The following TKT variants were observed in gnomAD, a reference collection of about 807,000 sequenced individuals.
TKT encodes the protein transketolase.
Under a neutral mutation model 63.9 loss-of-function variants are expected in TKT, and 47 were observed. The ratio of observed to expected loss-of-function variants is 0.74; its 90% CI spans 0.58 to 0.94. The LOEUF is 0.94. TKT is among the 40% of genes least tolerant of loss of function. The pLI, the probability that TKT is intolerant of heterozygous loss-of-function variation, is 0.00. For missense variants in TKT, 721 were observed against 846.2 expected (o/e 0.85, Z 1.84); for synonymous variants, 338 against 334.1 (o/e 1.01, Z -0.13).
intron 1 of TKT, among the ~76,000 whole-genome samples, chr3:53,254,761 T>C (rs536405105): frequency 1.1e-4 from 17 of 152,188 alleles, no homozygotes; most frequent in Non-Finnish European, 2.4e-4. Flanking sequence ...GGAAGCAGGC[T>C]CTGAAGTAAT....
rs1553676484 is a variant in TKT, at chr3:53,229,446, G to GGTGGGACA, written c.1108-18_1108-11dup. 1 of 1,596,690 alleles carries GGTGGGACA rather than the reference G, an allele frequency of 6.3e-7. No homozygotes were observed. Among genetic ancestry groups the GGTGGGACA allele is most frequent in the Non-Finnish European group, 8.5e-7 (1 of 1,172,158 alleles). ...CCACCGCGATGCTCACCTGGGGGCA[G>GGTGGGACA]GTGGGACAGGGTCAGCCCAAAGGGG... On this transcript the variant is annotated splice_polypyrimidine_tract_variant and intron_variant, in intron 8 of 13. Transcript: ENST00000462138.
chr3:53,242,905 A>C (rs956350323), intron 1 of TKT, among the ~76,000 whole-genome samples: 8 of 152,184 alleles, frequency 5.3e-5, no homozygotes, highest in African/African-American at 1.7e-4. Context: ...TTCCAATTGC[A>C]TCACTGGGCT....
chr3:53,254,984 G>A (rs1705919337), intron 1 of TKT, among the ~76,000 whole-genome samples: 1 of 152,236 alleles, frequency 6.6e-6, no homozygotes, highest in East Asian at 1.9e-4. Context: ...GCCCCAGGAC[G>A]TCACTCCCGG....
At chr3:53,245,987 G>A (rs1211760222) in intron 1 of TKT, among the ~76,000 whole-genome samples, 2 of 152,148 alleles carry the variant, frequency 1.3e-5, no homozygotes, top group African/African-American at 4.8e-5. Flanking sequence ...ACACAAACAG[G>A]CCGGGCACAG....
At chr3:53,239,013 G>A (rs1705156236) in intron 4 of TKT, among the ~76,000 whole-genome samples, 1 of 152,200 alleles carries the variant, frequency 6.6e-6, no homozygotes, top group Non-Finnish European at 1.5e-5. Flanking sequence ...GGCCCAGCAG[G>A]AGATAACTGA....
At chr3:53,241,274 TC>T in intron 2 of TKT, 29 bp from the exon 3 acceptor site, 1 of 1,580,638 alleles carries the variant, frequency 6.3e-7, no homozygotes, top group Non-Finnish European at 8.6e-7. Context: ...TGGGGTGAGG[TC>T]AGGTGGGGAG....
At chr3:53,234,758 C>T in intron 5 of TKT, 1 of 437,260 alleles carries the variant, frequency 2.3e-6, no homozygotes, top group Non-Finnish European at 4.0e-6. Flanking sequence ...ATGCCACAAC[C>T]ACGAAAACAA....
intron 5 of TKT, 107 bp from the exon 6 acceptor site, chr3:53,233,381 C>T (rs1284013542): frequency 1.2e-5 from 9 of 760,390 alleles, no homozygotes; most frequent in Non-Finnish European, 1.8e-5. Flanking sequence ...CCAGGCTCCA[C>T]CCCACAACTG....
chr3:53,224,841 C>G lies in TKT; in HGVS notation c.*915G>C, dbSNP rs1019914255. The G allele has an allele frequency of 6.6e-6, 1 of 152,454 alleles. No homozygotes were observed. Among genetic ancestry groups the G allele is most frequent in the African/African-American group, 2.4e-5 (1 of 41,462 alleles). The allele number at this position is 152,454 out of a possible 1,614,324, so 9.4% of individuals were successfully genotyped here. A position where few individuals can be genotyped will look rare whatever the true frequency, so the allele number is the denominator to read the frequency against. The stretch of plus-strand genomic sequence containing the variant: ...CCACCAGTGGCCGGGGCACCCAGCC[C>G]TCCTCCCCCAGCACTAGTTTGTTCT... On this transcript the variant is annotated 3_prime_UTR_variant, in exon 14 of 14. Transcript: ENST00000462138.
At chr3:53,255,021 C>A (rs1553682071) in intron 1 of TKT, among the ~76,000 whole-genome samples, 1 of 152,138 alleles carries the variant, frequency 6.6e-6, no homozygotes. Context: ...CTCCGTCCTT[C>A]CGGCGCTCAG....
chr3:53,229,204 T>C (rs550665515), intron 9 of TKT, 67 bp from the exon 10 acceptor site: 25 of 1,612,982 alleles, frequency 1.5e-5, no homozygotes, highest in South Asian at 1.5e-4. Context: ...GCTGGAATCC[T>C]GGCCCATCCC....
At chr3:53,232,444 G>A in intron 6 of TKT, 1 of 398,996 alleles carries the variant, frequency 2.5e-6, no homozygotes, top group Non-Finnish European at 4.4e-6. Flanking sequence ...GGGCAGCCAG[G>A]GGCATTTGGC....
chr3:53,253,512 C>T (rs373520400), intron 1 of TKT, among the ~76,000 whole-genome samples: 4 of 152,196 alleles, frequency 2.6e-5, no homozygotes, highest in African/African-American at 7.2e-5. Flanking sequence ...GGTTCACACT[C>T]GTAATCCCAG....
intron 1 of TKT, among the ~76,000 whole-genome samples, chr3:53,243,325 G>GCAGCT (rs1229568593): frequency 2.0e-4 from 31 of 152,006 alleles, no homozygotes; most frequent in African/African-American, 6.0e-4. Context: ...CCCTCCACAT[G>GCAGCT]CAGCTCAGCT....
At chr3:53,250,222 T>G (rs1559660372) in intron 1 of TKT, among the ~76,000 whole-genome samples, 2 of 152,178 alleles carry the variant, frequency 1.3e-5, no homozygotes, top group Non-Finnish European at 2.9e-5. Context: ...GGATGGGTCC[T>G]GAGGCAGCCC....
At chr3:53,226,932 G>T in intron 12 of TKT, 54 bp from the exon 13 acceptor site, 1 of 1,549,794 alleles carries the variant, frequency 6.5e-7, no homozygotes. Context: ...ACCACTATCT[G>T]CCCTGGTGGG....
chr3:53,247,959 A>C (rs1705588712), intron 1 of TKT, among the ~76,000 whole-genome samples: 1 of 152,162 alleles, frequency 6.6e-6, no homozygotes, highest in Admixed American at 6.6e-5. Flanking sequence ...TGGGCCTTTC[A>C]CTGTTGTATC....
At chr3:53,228,703 A>G (rs1369936340) in intron 10 of TKT, 1 of 517,484 alleles carries the variant, frequency 1.9e-6, no homozygotes, top group East Asian at 3.6e-5. Flanking sequence ...GGCTCAGCTC[A>G]TCCTTGCCTG....
intron 12 of TKT, chr3:53,227,717 C>T (rs73840252): frequency 0.18 from 44,139 of 246,934 alleles, 4,300 homozygotes; most frequent in South Asian, 0.28. Context: ...GGCATGGTGA[C>T]AGTGAATAAC....
Sources: gnomAD v4.1 joint callset for allele counts (sites outside exome capture counted in the v4.1 genomes callset) on GRCh38, gnomAD v4.1.1 for gene constraint, MANE v1.5 for transcripts, NCBI Gene and HGNC (gene_info 2026-07-23, HGNC 2026-07-21) for gene names.